The following FAAP20 variants were observed in gnomAD, a reference collection of about 807,000 sequenced individuals.
FAAP20 encodes the protein FA core complex associated protein 20.
In FAAP20, 12 loss-of-function variants were observed where a neutral mutation model predicts 16.2. The ratio of observed to expected loss-of-function variants is 0.74; its 90% confidence interval spans 0.48 to 1.20. The LOEUF is 1.20. Among genes scored for constraint, FAAP20 ranks in the 50% most tolerant of loss-of-function variants. The pLI, the probability that FAAP20 is intolerant of heterozygous loss-of-function variation, is 0.00. For missense variants in FAAP20, 288 were observed against 245.8 expected (o/e 1.17, Z -1.15); for synonymous variants, 141 against 110.7 (o/e 1.27, Z -1.72).
downstream of FAAP20, chr1:2,184,705 C>T (rs1249131147): frequency 3.7e-6 from 6 of 1,610,692 alleles, no homozygotes; most frequent in South Asian, 5.5e-5. Flanking sequence ...ATGAGTGAGT[C>T]CCACTGGGTG....
chr1:2,191,755 AT>A, intron 3 of FAAP20: 1 of 881,954 alleles, frequency 1.1e-6, no homozygotes, highest in Non-Finnish European at 1.4e-6. Context: ...AAAAAAAAAA[AT>A]CCCAGTGACC....
chr1:2,184,841 T>G, downstream of FAAP20: 1 of 1,424,166 alleles, frequency 7.0e-7, no homozygotes, highest in East Asian at 2.4e-5. Flanking sequence ...GGGGGAGGAT[T>G]CTTATGCGAA....
At chr1:2,189,844 G>A in intron 3 of FAAP20, 63 bp from the exon 4 acceptor site, 2 of 1,295,360 alleles carry the variant, frequency 1.5e-6, no homozygotes, top group Non-Finnish European at 2.2e-6. Context: ...AGAGAGCACC[G>A]TCTGGACCTC....
upstream of FAAP20, chr1:2,203,415 G>C: frequency 4.1e-6 from 4 of 985,762 alleles, no homozygotes; most frequent in Non-Finnish European, 4.8e-6. Context: ...CAGCTGCACT[G>C]ACTGTTCCTG....
At chr1:2,204,886 CGCCCTCAA>C (rs1689180393), upstream of FAAP20, among the ~76,000 whole-genome samples, 2 of 143,646 alleles carry the variant, frequency 1.4e-5, no homozygotes, top group African/African-American at 5.5e-5. Context: ...TCCCACGCCC[CGCCCTCAA>C]GCCCCGCCCC....
chr1:2,208,675 A>C (rs1303144645), downstream of FAAP20, among the ~76,000 whole-genome samples: 1 of 152,026 alleles, frequency 6.6e-6, no homozygotes, highest in Non-Finnish European at 1.5e-5. Flanking sequence ...TGTAACCCCC[A>C]TGCTCGGCCA....
upstream of FAAP20, among the ~76,000 whole-genome samples, chr1:2,195,068 G>T (rs1688751374): frequency 1.3e-5 from 2 of 151,910 alleles, no homozygotes; most frequent in South Asian, 4.1e-4. Flanking sequence ...CCCCGGCACT[G>T]CCTCCTCCCG....
downstream of FAAP20, among the ~76,000 whole-genome samples, chr1:2,211,427 ATATATATATTTTTTTTTTTTT>A (rs1689440415): frequency 1.4e-4 from 3 of 21,084 alleles, no homozygotes; most frequent in African/African-American, 1.1e-3. Context: ...ATATATATAT[ATATATATATTTTTTTTTTTTT>A]TTTTTTTTTT....
At chr1:2,210,932 C>T (rs2100770061), downstream of FAAP20, among the ~76,000 whole-genome samples, 1 of 152,346 alleles carries the variant, frequency 6.6e-6, no homozygotes, top group East Asian at 1.9e-4. Context: ...TGGGCCTGGG[C>T]TTAGCGACTG....
In FAAP20 at chr1:2,193,521, G is replaced by A. The variant is rs1175033372; in HGVS notation, c.470+118C>T. On this transcript the variant is annotated intron_variant, in intron 3 of 3. Coordinates refer to ENST00000378546, the MANE Select transcript of FAAP20 (RefSeq NM_182533.4). ...GCCACAGCACTGGGCCACCTTTCCA[G>A]TGTGAAACAGGGCTTTAAAAGCCAG... 3 of 1,456,910 alleles carry A rather than the reference G, an allele frequency of 2.1e-6. No homozygotes were observed. In the African/African-American group the frequency reaches 4.3e-5, roughly 21 times the overall value. The allele number at this position is 1,456,910 out of a possible 1,614,324, so 90.2% of individuals were successfully genotyped here. A position where few individuals can be genotyped will look rare whatever the true frequency, so the allele number is the denominator to read the frequency against.
chr1:2,194,537 C>A (rs184913942), intron 1 of FAAP20, 151 bp downstream of exon 1: 49,036 of 170,832 alleles, frequency 0.29, 5,253 homozygotes, highest in Admixed American at 0.37. Flanking sequence ...CGCTGAATGG[C>A]GGCGCGGGGT....
chr1:2,204,961 CG>C (rs1266408654), intron 3 of FAAP20, among the ~76,000 whole-genome samples: 4 of 115,818 alleles, frequency 3.5e-5, no homozygotes, highest in Admixed American at 2.5e-4. Context: ...AGCCCCGCCC[CG>C]CCCCCCGGGC....
chr1:2,188,802 A>G (rs974897626), downstream of FAAP20, among the ~76,000 whole-genome samples: 152 of 151,306 alleles, frequency 1.0e-3, no homozygotes, highest in Middle Eastern at 3.5e-3. Context: ...TCAGGAGATC[A>G]AGACCATCCT....
downstream of FAAP20, among the ~76,000 whole-genome samples, chr1:2,189,367 CAT>C (rs1367896613): frequency 1.3e-5 from 2 of 151,820 alleles, no homozygotes; most frequent in African/African-American, 2.4e-5. Context: ...CGTGACTGCA[CAT>C]GAGCTAACCA....
intron 3 of FAAP20, among the ~76,000 whole-genome samples, chr1:2,204,955 CCGCCCCGCCCCCCGGGCGCCACG>C (rs1689187099): frequency 2.6e-5 from 3 of 114,468 alleles, no homozygotes; most frequent in African/African-American, 6.7e-5. Flanking sequence ...CCCTCAAGCC[CCGCCCCGCCCCCCGGGCGCCACG>C]CGCCCCGCCC....
chr1:2,205,397 C>G (rs375023765), intron 3 of FAAP20, among the ~76,000 whole-genome samples: 1 of 149,716 alleles, frequency 6.7e-6, no homozygotes, highest in East Asian at 2.0e-4. Context: ...CAGCCGTCCC[C>G]GTGAGCCCCG....
chr1:2,199,218 C>G, upstream of FAAP20: 1 of 1,165,310 alleles, frequency 8.6e-7, no homozygotes, highest in Non-Finnish European at 1.1e-6. This position sits in a 1 kb window ranked among gnomAD's most constrained non-coding sequence, Gnocchi z 4.5. Flanking sequence ...GCCAGCCGCC[C>G]TCTCTCAAAG....
chr1:2,184,523 C>G, downstream of FAAP20: 1 of 1,297,234 alleles, frequency 7.7e-7, no homozygotes, highest in Non-Finnish European at 1.1e-6. Context: ...GTGCAAAACA[C>G]TCAATCTGGT....
At chr1:2,189,508 T>C (rs1204940108), downstream of FAAP20, 5 of 605,226 alleles carry the variant, frequency 8.3e-6, no homozygotes, top group Non-Finnish European at 6.0e-6. Context: ...CTGCAGTGAA[T>C]CTGCCCTAAA....
Sources: allele counts gnomAD v4.1 joint callset (sites outside exome capture counted in the v4.1 genomes callset), GRCh38; gene constraint gnomAD v4.1.1; non-coding constraint Gnocchi (gnomAD v3.1); transcripts MANE v1.5; gene names NCBI Gene and HGNC (gene_info 2026-07-23, HGNC 2026-07-21).